The following ADAMTS17 variants were observed in gnomAD, a reference collection of about 807,000 sequenced individuals.
The protein encoded by ADAMTS17 is ADAM metallopeptidase with thrombospondin type 1 motif 17.
A neutral mutation model predicts 141.5 loss-of-function variants in ADAMTS17; 113 were observed. The ratio of observed to expected loss-of-function variants is 0.80; its 90% CI spans 0.69 to 0.93. The LOEUF is 0.93. Among genes scored for constraint, ADAMTS17 ranks in the 40% least tolerant of loss-of-function variants. The pLI is 0.00. For missense variants in ADAMTS17, 1,659 were observed against 1,517.9 expected (o/e 1.09, Z -1.54); for synonymous variants, 768 against 630.6 (o/e 1.22, Z -3.27).
intron 6 of ADAMTS17, 57 bp downstream of exon 6, chr15:100,261,422 T>C: frequency 1.2e-6 from 2 of 1,609,590 alleles, no homozygotes; most frequent in Non-Finnish European, 1.7e-6. Context: ...ATTTCCTCTC[T>C]GAAGGGAAAC....
intron 3 of ADAMTS17, among the ~76,000 whole-genome samples, chr15:100,325,022 CA>C (rs1213275279): frequency 5.3e-5 from 8 of 152,204 alleles, no homozygotes; most frequent in Non-Finnish European, 8.8e-5. Context: ...TTGTTACAGA[CA>C]GGGTCCCTTT....
chr15:100,333,425 C>A (rs2046114523), intron 2 of ADAMTS17, among the ~76,000 whole-genome samples: 1 of 152,232 alleles, frequency 6.6e-6, no homozygotes, highest in African/African-American at 2.4e-5. Context: ...TCAGCCCCTA[C>A]TCCAGGCCAA....
chr15:99,983,645 A>G (rs1201576618), intron 20 of ADAMTS17, among the ~76,000 whole-genome samples: 1 of 152,010 alleles, frequency 6.6e-6, no homozygotes, highest in East Asian at 1.9e-4. Context: ...TGCTTCCTGC[A>G]GAGTGGCCCA....
At chr15:100,294,337 A>G (rs1351999451) in intron 3 of ADAMTS17, among the ~76,000 whole-genome samples, 1 of 152,156 alleles carries the variant, frequency 6.6e-6, no homozygotes, top group African/African-American at 2.4e-5. Flanking sequence ...AACACTCACC[A>G]AAAACTTGCC....
chr15:99,999,911 T>G (rs1332379778), intron 18 of ADAMTS17, among the ~76,000 whole-genome samples: 1 of 152,138 alleles, frequency 6.6e-6, no homozygotes, highest in Non-Finnish European at 1.5e-5. Context: ...GGAGCTAAGT[T>G]CCAATCCTCT....
At chr15:100,084,694 C>T (rs528087962) in intron 15 of ADAMTS17, among the ~76,000 whole-genome samples, 4 of 152,308 alleles carry the variant, frequency 2.6e-5, no homozygotes, top group Admixed American at 1.3e-4. Flanking sequence ...CCAATAGGCG[C>T]TGTTCTGCAG....
chr15:99,996,573 T>C (rs1376450361), intron 19 of ADAMTS17, among the ~76,000 whole-genome samples: 1 of 152,210 alleles, frequency 6.6e-6, no homozygotes, highest in Non-Finnish European at 1.5e-5. Flanking sequence ...TAACCTTTGT[T>C]TTAGAGCAGC....
At position 100,013,697 on chromosome 15, in the gene ADAMTS17, T is replaced by G. The variant is rs185056673; in HGVS notation, c.2592-16108A>C. ...GTGGTGTATCACATTTATTGACTTG[T>G]GTATATTAAATCATCCCTGCATCCC... On this transcript the variant is annotated intron_variant, in intron 18 of 21. Transcript: ENST00000268070. 3.9e-5 allele frequency among the ~76,000 whole-genome samples: 6 copies of G among 152,328 alleles called. No individual in the cohort carries two copies. The East Asian group carries it at 1.2e-3, about 29-fold the overall frequency.
intron 18 of ADAMTS17, among the ~76,000 whole-genome samples, chr15:100,043,366 G>T (rs1435124041): frequency 6.6e-6 from 1 of 152,218 alleles, no homozygotes; most frequent in Admixed American, 6.5e-5. Context: ...GTGGGAAAGA[G>T]AAGTGGTGGG....
intron 20 of ADAMTS17, among the ~76,000 whole-genome samples, chr15:99,984,972 C>CCAT (rs2060555901): frequency 6.6e-6 from 1 of 152,226 alleles, no homozygotes; most frequent in South Asian, 2.1e-4. Context: ...GAGGCACTGG[C>CCAT]CTTTGGACCA....
At chr15:100,147,806 T>C (rs2141326627) in intron 10 of ADAMTS17, among the ~76,000 whole-genome samples, 1 of 152,382 alleles carries the variant, frequency 6.6e-6, no homozygotes, top group Non-Finnish European at 1.5e-5. Context: ...TAGTTTCCTA[T>C]TGCTGCTACT....
chr15:100,197,045 G>C (rs1034574577), intron 8 of ADAMTS17, among the ~76,000 whole-genome samples: 1 of 152,240 alleles, frequency 6.6e-6, no homozygotes, highest in African/African-American at 2.4e-5. Flanking sequence ...TATAGCTAAA[G>C]GGTACTAAAG....
chr15:100,312,252 C>A (rs1191187194), intron 3 of ADAMTS17, among the ~76,000 whole-genome samples: 1 of 152,310 alleles, frequency 6.6e-6, no homozygotes, highest in East Asian at 1.9e-4. Context: ...AGAGGGAAAT[C>A]TGACTACAGA....
At chr15:100,018,336 T>G (rs956896741) in intron 18 of ADAMTS17, among the ~76,000 whole-genome samples, 30 of 152,314 alleles carry the variant, frequency 2.0e-4, no homozygotes, top group Admixed American at 1.6e-3. Flanking sequence ...AAAAATCACT[T>G]AAGAAGAAAT....
At chr15:100,129,999 C>T (rs1298924959) in intron 12 of ADAMTS17, among the ~76,000 whole-genome samples, 1 of 152,168 alleles carries the variant, frequency 6.6e-6, no homozygotes, top group Admixed American at 6.5e-5. Context: ...AAAACTGCAA[C>T]CACCTATTAA....
intron 3 of ADAMTS17, among the ~76,000 whole-genome samples, chr15:100,325,704 T>C (rs1159608081): frequency 6.6e-6 from 1 of 152,210 alleles, no homozygotes; most frequent in Non-Finnish European, 1.5e-5. Flanking sequence ...TCTCCCCATG[T>C]GACACGCTGG....
chr15:100,203,953 T>G (rs1045624238), intron 7 of ADAMTS17, among the ~76,000 whole-genome samples: 4 of 151,960 alleles, frequency 2.6e-5, no homozygotes, highest in African/African-American at 7.3e-5. Context: ...AGAAGCTCAT[T>G]TAATTTATCG....
chr15:100,069,084 TACGTG>T (rs1346015541), intron 15 of ADAMTS17, among the ~76,000 whole-genome samples: 1 of 152,154 alleles, frequency 6.6e-6, no homozygotes, highest in African/African-American at 2.4e-5. Context: ...CCATGAGAAC[TACGTG>T]ACGAATGCAG....
chr15:100,226,208 C>G (rs973473941), intron 7 of ADAMTS17, among the ~76,000 whole-genome samples: 3 of 152,230 alleles, frequency 2.0e-5, no homozygotes, highest in Non-Finnish European at 4.4e-5. Context: ...CAGTCATGGT[C>G]TGTGTTCTGG....
Sources: allele counts gnomAD v4.1 joint callset (sites outside exome capture counted in the v4.1 genomes callset), GRCh38; gene constraint gnomAD v4.1.1; transcripts MANE v1.5; gene names NCBI Gene and HGNC (gene_info 2026-07-23, HGNC 2026-07-21).